C19orf47: variants seen among roughly 807,000 people sequenced by gnomAD.
The protein encoded by C19orf47 is uncharacterized protein C19orf47.
In C19orf47, 18 loss-of-function variants were observed where a neutral mutation model predicts 32.3. That is an observed-to-expected ratio of 0.56 (90% CI 0.39 to 0.83). C19orf47 has a LOEUF of 0.83. Ranked by LOEUF, C19orf47 falls within the 40% of genes least tolerant of loss-of-function variation. The pLI is 0.00. For missense variants in C19orf47, 484 were observed against 531.6 expected (o/e 0.91, Z 0.88); for synonymous variants, 202 against 211.1 (o/e 0.96, Z 0.37).
chr19:40,316,452 G>A (rs149652472), downstream of C19orf47, among the ~76,000 whole-genome samples: 350 of 152,328 alleles, frequency 2.3e-3, no homozygotes, highest in African/African-American at 7.6e-3. Flanking sequence ...TTTATGGGAT[G>A]AGAATAGGAA....
Position 40,321,741 on chromosome 19 carries a change from T to C in C19orf47, c.*141A>G. ...AGGAGAAATGGGGTGATCCCCCGAA[T>C]GCTCGGGCCTAGCTCTAGAGCCCGA... is the stretch of plus-strand genomic sequence containing the variant. On this transcript the variant is annotated 3_prime_UTR_variant, in exon 9 of 9. Coordinates refer to ENST00000683109, the MANE Select transcript of C19orf47 (RefSeq NM_001256441.2). 1.4e-6 allele frequency: 2 copies of C among 1,430,908 alleles called. No individual in the cohort carries two copies. 88.6% of individuals were successfully genotyped at this position (1,430,908 alleles called of 1,614,324 possible).
the C19orf47 span, among the ~76,000 whole-genome samples, chr19:40,310,272 C>T: frequency 4.0e-5 from 6 of 151,878 alleles, no homozygotes; most frequent in Admixed American, 6.6e-5. Context: ...CACGGTGGCT[C>T]ACATGTATAA....
rs754644627 is a variant in C19orf47, at chr19:40,321,929, C to T, written c.1111G>A (p.Ala371Thr). The change falls in exon 9 of 9, where the codon GCG (alanine) becomes ACG (threonine). Residue 371 changes from alanine (A) to threonine (T), a missense_variant. By Grantham distance (58) the Ala-to-Thr change is moderately conservative. Transcript: ENST00000683109. Reference sequence around the variant, plus strand: ...CTTTTGAACACGCTCACAGTGCCCGCGTGGTCCATCTGGGCACCAAGGCCC... The same window carrying T: ...CTTTTGAACACGCTCACAGTGCCCGTGTGGTCCATCTGGGCACCAAGGCCC... ...SEGLGAQMDH[A>T]GTVSVFKRLG... The T allele has an allele frequency of 1.4e-5, 23 of 1,613,110 alleles. No homozygotes were observed. In the Admixed American group the frequency reaches 3.5e-4, roughly 25 times the overall value.
chr19:40,314,833 G>A (rs1010132394), downstream of C19orf47, among the ~76,000 whole-genome samples: 1 of 152,160 alleles, frequency 6.6e-6, no homozygotes, highest in African/African-American at 2.4e-5. Flanking sequence ...AAAAACAGTG[G>A]TGAATCATGT....
At chr19:40,313,473 C>T in the C19orf47 span, among the ~76,000 whole-genome samples, 9 of 152,004 alleles carry the variant, frequency 5.9e-5, no homozygotes, top group African/African-American at 1.9e-4. Context: ...TACAGCCATG[C>T]GCCACCACGC....
At position 40,322,370 on chromosome 19, in the gene C19orf47, C is replaced by T. The variant is rs1176230166; in HGVS notation, c.670G>A (p.Gly224Arg). Residue 224 changes from glycine to arginine, a missense_variant, in exon 9 of 9, where the codon GGA becomes AGA. Physicochemically the swap from Gly to Arg is moderately radical, Grantham distance 125. Around this residue, in one of 3 missense-constraint regions of C19orf47, gnomAD observed 376 missense variants for 370.2 expected, o/e 1.02. Coordinates refer to ENST00000683109, the MANE Select transcript of C19orf47 (RefSeq NM_001256441.2). Reference sequence around the variant, plus strand: ...GTGGCCCCCAGGCGGCTGAAGACTCCTGTGGGCTGTGGAGGTCAGAGACAG... The same window carrying T: ...GTGGCCCCCAGGCGGCTGAAGACTCTTGTGGGCTGTGGAGGTCAGAGACAG... ...ADTTTGSKPT[G>R]VFSRLGATPE... 1 of 1,575,942 alleles carries T rather than the reference C, an allele frequency of 6.3e-7. No homozygotes were observed.
the C19orf47 span, among the ~76,000 whole-genome samples, chr19:40,295,666 C>T: frequency 2.6e-5 from 4 of 151,574 alleles, no homozygotes; most frequent in Non-Finnish European, 5.9e-5. Flanking sequence ...AAACTCCTGA[C>T]CTCAGGTGAT....
rs759024663 is a variant in C19orf47, at chr19:40,328,492, G to T, written c.360C>A (p.Pro120=). The stretch of plus-strand genomic sequence containing the variant: ...TGGAGGTGCTGGTGTCCGGGCGCCT[G>T]GGGGGTGTGCTGGGTGGAGAGTCAT... ...LNHDSPPSTP[P]RRPDTSTSKI... The change falls in exon 6 of 9, where the codon CCC becomes CCA. Residue 120 remains proline (P), a synonymous_variant. Coordinates refer to ENST00000683109, the MANE Select transcript of C19orf47 (RefSeq NM_001256441.2). The T allele has an allele frequency of 6.2e-7, 1 of 1,610,268 alleles. No homozygotes were observed. The highest frequency in any genetic ancestry group is 1.1e-5 in the South Asian group (1 of 90,556).
Position 40,321,811 on chromosome 19 carries a change from A to C in C19orf47, c.*71T>G. 2 of 1,452,992 alleles carry C rather than the reference A, an allele frequency of 1.4e-6. No individual in the cohort carries two copies. Among genetic ancestry groups the C allele is most frequent in the Non-Finnish European group, 1.8e-6 (2 of 1,104,936 alleles). 90.0% of individuals were successfully genotyped at this position (1,452,992 alleles called of 1,614,324 possible). On this transcript the variant is annotated 3_prime_UTR_variant, in exon 9 of 9. Coordinates refer to ENST00000683109, the MANE Select transcript of C19orf47 (RefSeq NM_001256441.2). The stretch of plus-strand genomic sequence containing the variant: ...CCAGGAGCTGGTGGGAGGCGTGATG[A>C]AGCCAGGAGCCTGGGGCGGCCAGGG...
At chr19:40,323,778 G>C (rs2077770033) in intron 8 of C19orf47, among the ~76,000 whole-genome samples, 1 of 152,148 alleles carries the variant, frequency 6.6e-6, no homozygotes. Flanking sequence ...GGACATGGTG[G>C]GTGGGAGGCA....
the C19orf47 span, among the ~76,000 whole-genome samples, chr19:40,297,500 A>G: frequency 6.6e-6 from 1 of 152,156 alleles, no homozygotes; most frequent in African/African-American, 2.4e-5. Context: ...CAGGAGTTCA[A>G]GATCAGCCTG....
chr19:40,305,725 C>T, the C19orf47 span, among the ~76,000 whole-genome samples: 1 of 151,838 alleles, frequency 6.6e-6, no homozygotes, highest in Non-Finnish European at 1.5e-5. Context: ...GGATTCCAAG[C>T]CAGGAGAAAA....
the C19orf47 span, among the ~76,000 whole-genome samples, chr19:40,309,409 G>A: frequency 1.5e-4 from 23 of 151,882 alleles, no homozygotes; most frequent in Admixed American, 2.6e-4. Context: ...GGCTGGTTTC[G>A]AACTTCTGAC....
the C19orf47 span, among the ~76,000 whole-genome samples, chr19:40,304,706 CT>C: frequency 2.0e-5 from 3 of 152,082 alleles, no homozygotes; most frequent in Non-Finnish European, 4.4e-5. Flanking sequence ...TGCATACTTA[CT>C]TAATTAAAAT....
rs1451913496 is a variant in C19orf47, at chr19:40,320,678, T to A, written c.*1204A>T. The A allele has an allele frequency of 6.5e-6, 1 of 154,102 alleles. No homozygotes were observed. The highest frequency in any genetic ancestry group is 1.5e-5 in the Non-Finnish European group (1 of 68,424). 9.5% of individuals were successfully genotyped at this position (154,102 alleles called of 1,614,324 possible). On this transcript the variant is annotated 3_prime_UTR_variant, in exon 9 of 9. Coordinates refer to ENST00000683109, the MANE Select transcript of C19orf47 (RefSeq NM_001256441.2). ...CCATCCCTGGAGAGGCCCTGCTCAC[T>A]ACCTGCTACCAGCTCCTAGGACAGG...
At chr19:40,328,688 T>A in intron 5 of C19orf47, 138 bp from the exon 6 acceptor site, 1 of 1,165,790 alleles carries the variant, frequency 8.6e-7, no homozygotes. Context: ...TGTAACTGCA[T>A]GGTACTCGTG....
At chr19:40,310,150 A>T in the C19orf47 span, among the ~76,000 whole-genome samples, 1 of 152,206 alleles carries the variant, frequency 6.6e-6, no homozygotes, top group Non-Finnish European at 1.5e-5. Flanking sequence ...AAACAAATGT[A>T]ATACATCCAT....
chr19:40,293,654 C>G, the C19orf47 span, among the ~76,000 whole-genome samples: 1 of 150,720 alleles, frequency 6.6e-6, no homozygotes, highest in Non-Finnish European at 1.5e-5. Context: ...TTAGTAGAGA[C>G]GGGGTTTCAC....
chr19:40,300,370 C>G, the C19orf47 span, among the ~76,000 whole-genome samples: 1 of 151,494 alleles, frequency 6.6e-6, no homozygotes, highest in African/African-American at 2.4e-5. Context: ...GAGGGTGAGG[C>G]AGGAGAATTG....
Sources: allele counts gnomAD v4.1 joint callset (sites outside exome capture counted in the v4.1 genomes callset), GRCh38; gene constraint gnomAD v4.1.1; regional missense constraint gnomAD v4.1.1; transcripts MANE v1.5; gene names NCBI Gene and HGNC (gene_info 2026-07-23, HGNC 2026-07-21).